Variants in CTNNA2 observed in about 807,000 individuals in gnomAD.
CTNNA2 encodes the protein catenin alpha 2, also known as catenin alpha-2.
Under a neutral mutation model 101.0 loss-of-function variants are expected in CTNNA2, and 42 were observed. The ratio of observed to expected loss-of-function variants is 0.42; its 90% CI spans 0.32 to 0.54. The LOEUF is 0.54. CTNNA2 is among the 20% of genes least tolerant of loss of function. CTNNA2 has a pLI of 0.14. For synonymous variants in CTNNA2, 450 were observed against 456.4 expected (o/e 0.99, Z 0.18); for missense variants, 871 against 1,223.1 (o/e 0.71, Z 4.29).
intron 2 of CTNNA2, among the ~76,000 whole-genome samples, chr2:79,737,971 A>G (rs994516220): frequency 6.6e-6 from 1 of 152,220 alleles, no homozygotes; most frequent in Non-Finnish European, 1.5e-5. Context: ...CTGATCAAGT[A>G]GAAGAGACAC....
chr2:79,352,565 T>C (rs748661883), intron 3 of CTNNA2, among the ~76,000 whole-genome samples: 1 of 152,208 alleles, frequency 6.6e-6, no homozygotes, highest in Non-Finnish European at 1.5e-5. Flanking sequence ...TTTGTATGGA[T>C]TTTTGTGTCT....
At chr2:79,377,856 G>C (rs546949337) in intron 4 of CTNNA2, among the ~76,000 whole-genome samples, 1 of 152,092 alleles carries the variant, frequency 6.6e-6, no homozygotes, top group African/African-American at 2.4e-5. Flanking sequence ...TGAAGCACCT[G>C]CTGCTTGTTC....
intron 7 of CTNNA2, among the ~76,000 whole-genome samples, chr2:80,132,057 G>C (rs1225208103): frequency 6.6e-6 from 1 of 152,084 alleles, no homozygotes; most frequent in Non-Finnish European, 1.5e-5. Flanking sequence ...CTCCAGCCTG[G>C]GTGACAAGAG....
chr2:79,545,201 G>A (rs1673657527), intron 1 of CTNNA2, among the ~76,000 whole-genome samples: 2 of 152,112 alleles, frequency 1.3e-5, no homozygotes, highest in African/African-American at 4.8e-5. Flanking sequence ...AGCTACATGT[G>A]ATTATTCAGA....
chr2:79,627,429 C>A (rs1164706625), intron 1 of CTNNA2, among the ~76,000 whole-genome samples: 1 of 152,150 alleles, frequency 6.6e-6, no homozygotes, highest in African/African-American at 2.4e-5. Flanking sequence ...CTGTAAATAC[C>A]CAGCAGAGTG....
intron 6 of CTNNA2, among the ~76,000 whole-genome samples, chr2:79,894,063 T>C (rs12998155): frequency 0.18 from 10,690 of 59,030 alleles, 442 homozygotes; most frequent in African/African-American, 0.29. Flanking sequence ...CTTCTTCTTC[T>C]TCCTCCTCCT....
chr2:79,378,920 G>A (rs571656227), intron 4 of CTNNA2, among the ~76,000 whole-genome samples: 1 of 152,206 alleles, frequency 6.6e-6, no homozygotes, highest in Non-Finnish European at 1.5e-5. Flanking sequence ...GGGGAGGTCT[G>A]ATAAAGCATC....
At position 80,267,690 on chromosome 2, in the gene CTNNA2, C is replaced by T. The variant is rs562994725; in HGVS notation, c.1057-125521C>T. On this transcript the variant is annotated intron_variant, in intron 7 of 18. Coordinates refer to ENST00000402739, the MANE Select transcript of CTNNA2 (RefSeq NM_001282597.3). ...GTCTGGGGACCTGGAAAAGTTTTTCCGGAGGAAAGCATATTTGAGGAGACA... is the reference window on the plus strand; with the variant it reads ...GTCTGGGGACCTGGAAAAGTTTTTCTGGAGGAAAGCATATTTGAGGAGACA... 4.4e-4 allele frequency among the ~76,000 whole-genome samples: 67 copies of T among 152,236 alleles called. 1 individual carries two copies. Among genetic ancestry groups the T allele is most frequent in the Non-Finnish European group, 8.1e-4 (55 of 68,010 alleles).
chr2:79,763,737 G>A (rs539839470), intron 3 of CTNNA2, among the ~76,000 whole-genome samples: 10 of 152,186 alleles, frequency 6.6e-5, no homozygotes, highest in African/African-American at 9.6e-5. Context: ...GGAACTTGAC[G>A]GTTGCATTGT....
chr2:79,261,479 C>T (rs897838594), intron 2 of CTNNA2, among the ~76,000 whole-genome samples: 3 of 152,168 alleles, frequency 2.0e-5, no homozygotes, highest in African/African-American at 7.2e-5. Context: ...GACTGTGTGG[C>T]TTAAATAACT....
At chr2:80,253,257 G>A (rs1338779699) in intron 7 of CTNNA2, among the ~76,000 whole-genome samples, 2 of 152,098 alleles carry the variant, frequency 1.3e-5, no homozygotes, top group African/African-American at 2.4e-5. Flanking sequence ...TTCTTGAGAA[G>A]AATCAGTTTG....
At chr2:80,437,195 T>C (rs1197211924) in intron 9 of CTNNA2, among the ~76,000 whole-genome samples, 1 of 152,128 alleles carries the variant, frequency 6.6e-6, no homozygotes, top group Non-Finnish European at 1.5e-5. Context: ...ATTTCTGTCG[T>C]TGATAAATTA....
intron 2 of CTNNA2, among the ~76,000 whole-genome samples, chr2:79,664,484 T>A (rs1175529598): frequency 6.6e-6 from 1 of 152,126 alleles, no homozygotes; most frequent in African/African-American, 2.4e-5. Context: ...TAAATAAATC[T>A]TCCCTTGACT....
chr2:79,930,298 A>G (rs62141615), intron 7 of CTNNA2, among the ~76,000 whole-genome samples: 3 of 15,724 alleles, frequency 1.9e-4, no homozygotes, highest in Admixed American at 9.7e-4. Context: ...GAGAAAGAGA[A>G]AGAAAGAAAG....
intron 1 of CTNNA2, among the ~76,000 whole-genome samples, chr2:79,601,054 A>G (rs781427020): frequency 1.3e-5 from 2 of 152,188 alleles, no homozygotes; most frequent in Non-Finnish European, 2.9e-5. Flanking sequence ...ATGCACACCT[A>G]CACACATGTG....
intron 15 of CTNNA2, among the ~76,000 whole-genome samples, chr2:80,596,309 T>C (rs1696968736): frequency 1.4e-5 from 1 of 69,192 alleles, no homozygotes; most frequent in African/African-American, 6.2e-5. Flanking sequence ...TTTTTTTTTT[T>C]TTTTTTTTTT....
chr2:80,342,004 T>C (rs1672293000), intron 7 of CTNNA2, among the ~76,000 whole-genome samples: 1 of 152,202 alleles, frequency 6.6e-6, no homozygotes, highest in Non-Finnish European at 1.5e-5. Context: ...TAAAGGAAGA[T>C]AGTCACAAAA....
intron 7 of CTNNA2, among the ~76,000 whole-genome samples, chr2:80,360,074 A>T (rs1674249130): frequency 6.6e-6 from 1 of 152,118 alleles, no homozygotes; most frequent in South Asian, 2.1e-4. Context: ...AAAGTTTTGT[A>T]GTTTCTAATG....
intron 2 of CTNNA2, among the ~76,000 whole-genome samples, chr2:79,204,265 G>A (rs1189116018): frequency 8.5e-5 from 13 of 152,212 alleles, no homozygotes; most frequent in Non-Finnish European, 1.6e-4. Context: ...ACGCTGACCT[G>A]CCATTTATTT....
Sources: gnomAD v4.1 joint callset for allele counts (sites outside exome capture counted in the v4.1 genomes callset) on GRCh38, gnomAD v4.1.1 for gene constraint, MANE v1.5 for transcripts, NCBI Gene and HGNC (gene_info 2026-07-23, HGNC 2026-07-21) for gene names.